The following CTNNA2 variants were observed in gnomAD, a reference collection of about 807,000 sequenced individuals.
CTNNA2 encodes catenin alpha 2.
Under a neutral mutation model 101.0 loss-of-function variants are expected in CTNNA2, and 42 were observed. The observed-to-expected ratio is 0.42, with a 90% confidence interval of 0.32 to 0.54. CTNNA2 has a LOEUF of 0.54. CTNNA2 is among the 20% of genes least tolerant of loss of function. CTNNA2 has a pLI of 0.14. For missense variants in CTNNA2, 871 were observed against 1,223.1 expected (o/e 0.71, Z 4.29); for synonymous variants, 450 against 456.4 (o/e 0.99, Z 0.18).
intron 1 of CTNNA2, among the ~76,000 whole-genome samples, chr2:79,529,281 G>A (rs918780046): frequency 9.9e-5 from 15 of 152,168 alleles, no homozygotes; most frequent in Admixed American, 3.3e-4. Context: ...CTGAATGTGA[G>A]ATTCAGGACA....
chr2:79,522,951 A>C (rs1291606064), intron 1 of CTNNA2, among the ~76,000 whole-genome samples: 1 of 152,200 alleles, frequency 6.6e-6, no homozygotes, highest in Non-Finnish European at 1.5e-5. Context: ...GAGTCTGGAA[A>C]ATAAAAATCA....
At chr2:80,395,791 G>A (rs1255921772) in intron 8 of CTNNA2, among the ~76,000 whole-genome samples, 3 of 152,182 alleles carry the variant, frequency 2.0e-5, no homozygotes, top group African/African-American at 7.2e-5. Flanking sequence ...AGATCCCTCA[G>A]TGATCATGTC....
chr2:79,394,501 G>A (rs1219324793), intron 4 of CTNNA2, among the ~76,000 whole-genome samples: 1 of 152,210 alleles, frequency 6.6e-6, no homozygotes, highest in Non-Finnish European at 1.5e-5. Context: ...GGAGAAAGAA[G>A]GAATGAGCAC....
chr2:80,404,320 T>G (rs541922062), intron 8 of CTNNA2, among the ~76,000 whole-genome samples: 2 of 152,256 alleles, frequency 1.3e-5, no homozygotes, highest in African/African-American at 4.8e-5. Context: ...GCAGTCGATT[T>G]TATTATTTTT....
chr2:79,629,629 C>A (rs773613788), intron 1 of CTNNA2, among the ~76,000 whole-genome samples: 23 of 151,938 alleles, frequency 1.5e-4, no homozygotes, highest in Non-Finnish European at 2.8e-4. Context: ...CTGAGATCAT[C>A]AGGAATAACA....
At chr2:79,809,322 G>A (rs566425391) in intron 3 of CTNNA2, among the ~76,000 whole-genome samples, 2 of 152,174 alleles carry the variant, frequency 1.3e-5, no homozygotes, top group African/African-American at 4.8e-5. Context: ...GGATTGCGGG[G>A]TCAAATGATA....
chr2:79,371,517 C>G (rs923789174), intron 3 of CTNNA2, among the ~76,000 whole-genome samples: 1 of 152,102 alleles, frequency 6.6e-6, no homozygotes, highest in Non-Finnish European at 1.5e-5. Context: ...AAGAGATGAA[C>G]CAGGCTCCTT....
At chr2:80,074,875 C>A (rs1698574482) in intron 7 of CTNNA2, among the ~76,000 whole-genome samples, 5 of 152,178 alleles carry the variant, frequency 3.3e-5, no homozygotes, top group Admixed American at 3.3e-4. Context: ...TCTCAAGATC[C>A]TGGCTGAACC....
intron 3 of CTNNA2, among the ~76,000 whole-genome samples, chr2:79,371,167 C>T (rs1677863126): frequency 6.6e-6 from 1 of 151,954 alleles, no homozygotes; most frequent in South Asian, 2.1e-4. Context: ...GGTGCCTTCT[C>T]TTGGGACTTT....
intron 7 of CTNNA2, among the ~76,000 whole-genome samples, chr2:80,241,165 A>G (rs956812169): frequency 2.6e-5 from 4 of 152,036 alleles, no homozygotes; most frequent in African/African-American, 7.2e-5. Context: ...TCACAAATTC[A>G]TATCTAACCA....
intron 7 of CTNNA2, among the ~76,000 whole-genome samples, chr2:80,365,191 A>G (rs1674804164): frequency 6.6e-6 from 1 of 152,144 alleles, no homozygotes; most frequent in African/African-American, 2.4e-5. Flanking sequence ...CAAATCGTTC[A>G]AAGAAAACCT....
chr2:79,472,952 A>C (rs1375711769), intron 4 of CTNNA2, among the ~76,000 whole-genome samples: 2 of 152,248 alleles, frequency 1.3e-5, no homozygotes, highest in African/African-American at 4.8e-5. Context: ...ACACTAGAAC[A>C]TGAACAGAAT....
rs1268353027 is a variant in CTNNA2 at position 80,533,402 on chromosome 2, G to A, written c.1291-11580G>A. On this transcript the variant is annotated intron_variant, in intron 9 of 18. Coordinates refer to ENST00000402739, the MANE Select transcript of CTNNA2 (RefSeq NM_001282597.3). ...CTGTTTTCCTTATTCTGTGTGAAGC[G>A]GGCTGTAGTCACAGATCCAATATTG... Among the ~76,000 whole-genome samples the A allele has an allele frequency of 3.3e-5, 5 of 152,270 alleles. No homozygotes were observed. The South Asian group carries it at 8.3e-4, about 25-fold the overall frequency.
intron 7 of CTNNA2, among the ~76,000 whole-genome samples, chr2:80,167,531 TGAGA>T (rs1704782247): frequency 6.6e-6 from 1 of 152,194 alleles, no homozygotes; most frequent in African/African-American, 2.4e-5. Context: ...TTGGGCAATT[TGAGA>T]GAGTAAATAC....
At chr2:79,377,157 C>G (rs934719745) in intron 4 of CTNNA2, among the ~76,000 whole-genome samples, 7 of 152,062 alleles carry the variant, frequency 4.6e-5, no homozygotes, top group East Asian at 1.9e-4. Context: ...GTTGTTTCCT[C>G]ACTTTTTAAT....
chr2:79,195,805 C>A, intron 1 of CTNNA2: 1 of 513,778 alleles, frequency 1.9e-6, no homozygotes, highest in Non-Finnish European at 3.9e-6. Flanking sequence ...CAAAGCAAGG[C>A]CCGGCATAGG....
chr2:80,205,216 T>C (rs1170066762), intron 7 of CTNNA2, among the ~76,000 whole-genome samples: 1 of 152,148 alleles, frequency 6.6e-6, no homozygotes, highest in East Asian at 1.9e-4. Flanking sequence ...TAGAGAGTTA[T>C]TTGAAGGATT....
intron 3 of CTNNA2, among the ~76,000 whole-genome samples, chr2:79,792,630 G>C (rs1477440617): frequency 6.6e-6 from 1 of 152,030 alleles, no homozygotes; most frequent in Non-Finnish European, 1.5e-5. Context: ...AATTAAGCTT[G>C]TGAAGTTTGG....
intron 4 of CTNNA2, among the ~76,000 whole-genome samples, chr2:79,483,780 G>T (rs779518165): frequency 2.6e-5 from 4 of 152,058 alleles, no homozygotes; most frequent in Non-Finnish European, 5.9e-5. Context: ...TGGTGTATAC[G>T]TATGCCACAT....
Sources: allele counts gnomAD v4.1 joint callset (sites outside exome capture counted in the v4.1 genomes callset), GRCh38; gene constraint gnomAD v4.1.1; transcripts MANE v1.5; gene names NCBI Gene and HGNC (gene_info 2026-07-23, HGNC 2026-07-21).